The following CHST15 variants were observed in gnomAD, a reference collection of about 807,000 sequenced individuals.
CHST15 encodes carbohydrate sulfotransferase 15.
CHST15 carries 30 observed loss-of-function variants against 53.6 expected under a neutral mutation model. That is an observed-to-expected ratio of 0.56 (90% CI 0.42 to 0.76). The LOEUF (loss-of-function observed/expected upper bound fraction) is 0.76. Ranked by LOEUF, CHST15 falls within the 30% of genes least tolerant of loss-of-function variation. CHST15 has a pLI of 0.00. For synonymous variants in CHST15, 296 were observed against 289.8 expected, an observed-to-expected ratio of 1.02 and a Z score of -0.22; for missense variants, 627 against 740.5, an observed-to-expected ratio of 0.85 and a Z score of 1.78.
At chr10:124,090,660 C>G (rs1949575245) in intron 1 of CHST15, among the ~76,000 whole-genome samples, 1 of 152,190 alleles carries the variant, frequency 6.6e-6, no homozygotes, top group Non-Finnish European at 1.5e-5. Context: ...TTTTCCTGGC[C>G]AGGGGCAGCA....
At chr10:124,070,089 A>C (rs28404539) in intron 1 of CHST15, among the ~76,000 whole-genome samples, 5,922 of 152,236 alleles carry the variant, frequency 0.039, 343 homozygotes, top group East Asian at 0.21. Context: ...AGAGCACACA[A>C]AGGACAGGAT....
intron 1 of CHST15, among the ~76,000 whole-genome samples, chr10:124,068,267 T>C (rs1406491251): frequency 1.3e-5 from 2 of 152,104 alleles, no homozygotes; most frequent in African/African-American, 4.8e-5. Context: ...GGAGTTCTCA[T>C]CCTGGCTCCA....
chr10:124,031,368 G>A (rs1390327935), intron 5 of CHST15, among the ~76,000 whole-genome samples: 4 of 152,218 alleles, frequency 2.6e-5, no homozygotes, highest in Non-Finnish European at 5.9e-5. Context: ...AGTAGGTGAT[G>A]TCATTATGTG....
In CHST15 at chr10:124,008,517, G is replaced by A. The variant is rs966438378; in HGVS notation, c.*1632C>T. 5 of 992,306 alleles carry A rather than the reference G, an allele frequency of 5.0e-6. No homozygotes were observed. Among genetic ancestry groups the A allele is most frequent in the Middle Eastern group, 1.0e-3 (2 of 1,932 alleles). 61.5% of individuals were successfully genotyped at this position (992,306 alleles called of 1,614,324 possible). A position where few individuals can be genotyped will look rare whatever the true frequency, so the allele number is the denominator to read the frequency against. On this transcript the variant is annotated 3_prime_UTR_variant, in exon 8 of 8. Coordinates refer to ENST00000435907, the MANE Select transcript of CHST15 (RefSeq NM_001270764.2). ...CTGCAAGTGGGAGTTCAGGACACAC[G>A]CTCCTTCAGTAGCAAAAACAGCCCT...
chr10:124,044,348 A>G (rs1357529014), intron 3 of CHST15, among the ~76,000 whole-genome samples: 2 of 152,218 alleles, frequency 1.3e-5, no homozygotes, highest in Non-Finnish European at 2.9e-5. Context: ...AAGAGCTGCC[A>G]GTTCTGACTC....
chr10:124,023,273 C>G (rs1257675243), intron 5 of CHST15, among the ~76,000 whole-genome samples: 3 of 151,900 alleles, frequency 2.0e-5, no homozygotes, highest in African/African-American at 4.8e-5. Context: ...TCACTTGAAC[C>G]TAGGAGTTCA....
At chr10:124,038,098 TTTTTA>T (rs974959197) in intron 5 of CHST15, among the ~76,000 whole-genome samples, 1 of 147,382 alleles carries the variant, frequency 6.8e-6, no homozygotes. Context: ...TTTTTGTTTG[TTTTTA>T]TTTTATTTTA....
chr10:124,043,317 T>C (rs1039023810), intron 3 of CHST15, among the ~76,000 whole-genome samples: 1 of 151,940 alleles, frequency 6.6e-6, no homozygotes, highest in African/African-American at 2.4e-5. Flanking sequence ...AGCAAGGGAG[T>C]GTGTTCAGAC....
At chr10:124,056,197 G>A (rs76834630) in intron 1 of CHST15, among the ~76,000 whole-genome samples, 9,602 of 152,094 alleles carry the variant, frequency 0.063, 1,005 homozygotes, top group African/African-American at 0.22. Flanking sequence ...ACAGTCCAGC[G>A]GCTTCTCCAG....
chr10:124,071,585 G>A (rs1305726406), intron 1 of CHST15, among the ~76,000 whole-genome samples: 1 of 152,224 alleles, frequency 6.6e-6, no homozygotes, highest in Non-Finnish European at 1.5e-5. Flanking sequence ...ACTTCAACAT[G>A]TAGTCAGTAT....
At chr10:124,029,189 G>A (rs1947124110) in intron 5 of CHST15, among the ~76,000 whole-genome samples, 1 of 152,282 alleles carries the variant, frequency 6.6e-6, no homozygotes, top group African/African-American at 2.4e-5. Flanking sequence ...AGGAAAAAAA[G>A]GCCATTTAAT....
At position 124,038,652 on chromosome 10, in the gene CHST15, C is replaced by G; in HGVS notation, c.1053G>C (p.Thr351=). Residue 351 remains threonine (T), a synonymous_variant, in exon 5 of 8, where the codon ACG becomes ACC. Transcript: ENST00000435907. ...ACGTCCAGGCATTATTATCCCACAT[C>G]GTGGAGGCACTGGCCTCCCCTGGAA... ...TIIIGEASAS[T]MWDNNAWTFF... is the part of the protein sequence containing the mutation. The G allele has an allele frequency of 1.2e-6, 2 of 1,614,116 alleles. No individual in the cohort carries two copies. The highest frequency in any genetic ancestry group is 1.7e-6 in the Non-Finnish European group (2 of 1,180,028).
intron 5 of CHST15, among the ~76,000 whole-genome samples, chr10:124,026,465 G>A (rs779642052): frequency 6.6e-6 from 1 of 152,182 alleles, no homozygotes; most frequent in Non-Finnish European, 1.5e-5. Flanking sequence ...TCCACTGGAC[G>A]TCAAAAGGCC....
In CHST15 at chr10:124,047,837, T is replaced by A. The variant is rs75005250; in HGVS notation, c.-512-1113A>T. ...CATTGTCAGTGAATGCCAAAAACAT[T>A]TGAAATGGAATCAAAGATGAGAGAT... On this transcript the variant is annotated intron_variant, in intron 1 of 7. Coordinates refer to ENST00000435907, the MANE Select transcript of CHST15 (RefSeq NM_001270764.2). 7.1e-3 allele frequency among the ~76,000 whole-genome samples: 1,083 copies of A among 152,268 alleles called. 16 individuals carry two copies. The highest frequency in any genetic ancestry group is 0.024 in the African/African-American group (979 of 41,548).
chr10:124,070,215 T>C (rs971049371), intron 1 of CHST15, among the ~76,000 whole-genome samples: 1 of 152,140 alleles, frequency 6.6e-6, no homozygotes, highest in African/African-American at 2.4e-5. Flanking sequence ...CTGAGGTTCC[T>C]AGCCAATCCC....
rs1182755283 is a variant in CHST15 at position 124,063,083 on chromosome 10, TA to T, written c.-512-16360del. 5.3e-5 allele frequency among the ~76,000 whole-genome samples: 8 copies of T among 151,838 alleles called. No individual in the cohort carries two copies. The South Asian group carries it at 1.3e-3, about 24-fold the overall frequency. ...AGAGAGATCCAGACAAGAAACTAAT[TA>T]AAAAATGGTCATTTCAGGCTGGGCG... On this transcript the variant is annotated intron_variant, in intron 1 of 7. Coordinates refer to ENST00000435907, the MANE Select transcript of CHST15 (RefSeq NM_001270764.2).
rs146556252 is a variant in CHST15, at chr10:124,047,312, C to A, written c.-512-588G>T. ...TTAGAAACAATGAAATGAGTCTCTC[C>A]TTCAGTAGAATGTATCATATTAAAA... On this transcript the variant is annotated intron_variant, in intron 1 of 7. Transcript: ENST00000435907. 1.1e-3 allele frequency among the ~76,000 whole-genome samples: 175 copies of A among 152,304 alleles called. 1 individual carries two copies. Among genetic ancestry groups the A allele is most frequent in the Middle Eastern group, 6.8e-3 (2 of 294 alleles).
chr10:124,044,070 ACACAGAGCAGGGAGCGG>A (rs1292126532), intron 3 of CHST15, among the ~76,000 whole-genome samples: 9 of 144,144 alleles, frequency 6.2e-5, no homozygotes, highest in Middle Eastern at 3.6e-3. Context: ...CAGGGGAACA[ACACAGAGCAGGGAGCGG>A]CACAGAGCAG....
chr10:124,093,237 C>T (rs998304467), intron 1 of CHST15, among the ~76,000 whole-genome samples: 15 of 151,902 alleles, frequency 9.9e-5, no homozygotes, highest in African/African-American at 3.6e-4. Flanking sequence ...AGTTCATTGT[C>T]TGCCTGGGCC....
Sources: gnomAD v4.1 joint callset for allele counts (sites outside exome capture counted in the v4.1 genomes callset) on GRCh38, gnomAD v4.1.1 for gene constraint, MANE v1.5 for transcripts, NCBI Gene and HGNC (gene_info 2026-07-23, HGNC 2026-07-21) for gene names.